Variants in DSCAM observed in about 807,000 individuals in gnomAD.
The protein encoded by DSCAM is DS cell adhesion molecule.
DSCAM carries 47 observed loss-of-function variants against 217.7 expected under a neutral mutation model. The observed-to-expected ratio is 0.22, with a 90% CI of 0.17 to 0.28. DSCAM has a LOEUF of 0.28. DSCAM is among the 10% of genes least tolerant of loss of function. The pLI, the probability that DSCAM is intolerant of heterozygous loss-of-function variation, is 1.00. For missense variants in DSCAM, 2,080 were observed against 2,618.3 expected (o/e 0.79, Z 4.49); for synonymous variants, 1,056 against 1,015.3 (o/e 1.04, Z -0.76).
chr21:40,709,447 C>T (rs760352018), intron 1 of DSCAM, among the ~76,000 whole-genome samples: 1 of 152,164 alleles, frequency 6.6e-6, no homozygotes, highest in Non-Finnish European at 1.5e-5. Context: ...CCCATCAACC[C>T]GTCATCTACA....
intron 28 of DSCAM, among the ~76,000 whole-genome samples, chr21:40,059,984 C>T: frequency 6.6e-6 from 1 of 152,220 alleles, no homozygotes; most frequent in Non-Finnish European, 1.5e-5. Context: ...TTTTTGTTTG[C>T]TTGGCCCATT....
At chr21:40,292,936 C>A (rs564248312) in intron 10 of DSCAM, among the ~76,000 whole-genome samples, 1 of 152,182 alleles carries the variant, frequency 6.6e-6, no homozygotes, top group East Asian at 1.9e-4. Flanking sequence ...CGGGGTTTCA[C>A]CGTGTTAGCC....
rs531076997 is a variant in DSCAM, at chr21:40,401,377, G to A, written c.509-32132C>T. 6.7e-5 allele frequency among the ~76,000 whole-genome samples: 9 copies of A among 135,006 alleles called. No individual in the cohort carries two copies. In the East Asian group the frequency reaches 2.0e-3, roughly 29 times the overall value. 88.6% of individuals were successfully genotyped at this position (135,006 alleles called of 152,430 possible). On this transcript the variant is annotated intron_variant, in intron 3 of 32. Transcript: ENST00000400454. The stretch of plus-strand genomic sequence containing the variant: ...CTAATAATTATATGGCTGCATAAAG[G>A]ATATTCTCAATAAAATTGGATTTTT...
intron 14 of DSCAM, among the ~76,000 whole-genome samples, chr21:40,184,811 T>C (rs2090875423): frequency 6.6e-6 from 1 of 152,100 alleles, no homozygotes; most frequent in Admixed American, 6.5e-5. Flanking sequence ...AGTAGGGAGA[T>C]AGTGAGGACA....
intron 3 of DSCAM, among the ~76,000 whole-genome samples, chr21:40,580,981 C>A (rs145195289): frequency 6.6e-6 from 1 of 151,868 alleles, no homozygotes; most frequent in South Asian, 2.1e-4. Flanking sequence ...GAAAGGACTT[C>A]GAAGAAAGAT....
chr21:40,711,467 C>T (rs1475166464), intron 1 of DSCAM, among the ~76,000 whole-genome samples: 1 of 152,180 alleles, frequency 6.6e-6, no homozygotes, highest in Non-Finnish European at 1.5e-5. Flanking sequence ...CTCCACCCTG[C>T]TGTTAGGAAG....
At chr21:40,046,386 C>T (rs1776504635) in intron 30 of DSCAM, among the ~76,000 whole-genome samples, 1 of 151,892 alleles carries the variant, frequency 6.6e-6, no homozygotes, top group African/African-American at 2.4e-5. Flanking sequence ...CACATTTCAT[C>T]CCTTACTTGC....
At chr21:40,079,720 T>G (rs1240686300) in intron 25 of DSCAM, among the ~76,000 whole-genome samples, 1 of 147,970 alleles carries the variant, frequency 6.8e-6, no homozygotes, top group Non-Finnish European at 1.5e-5. Context: ...CATTTTAGAT[T>G]AAAAAAAAAA....
rs113294177 is a variant in DSCAM, at chr21:40,080,097, C to G, written c.4420+55G>C. ...ATGGATCTTTTATGATTCCAATCTC[C>G]TCTTCTGGCCGGGAAAAGAAAGGAT... On this transcript the variant is annotated intron_variant, in intron 25 of 32. Coordinates refer to ENST00000400454, the MANE Select transcript of DSCAM (RefSeq NM_001389.5). The G allele has an allele frequency of 6.3e-4, 821 of 1,307,222 alleles. 51 individuals are homozygous for G. The African/African-American group carries it at 0.011, about 18-fold the overall frequency. 81.0% of individuals were successfully genotyped at this position (1,307,222 alleles called of 1,614,324 possible).
intron 5 of DSCAM, among the ~76,000 whole-genome samples, chr21:40,349,317 GA>G (rs1001165366): frequency 9.7e-5 from 14 of 144,056 alleles, no homozygotes; most frequent in East Asian, 6.1e-4. Flanking sequence ...CAATTGTGAG[GA>G]AAAAAAAAAC....
At chr21:40,540,526 T>C (rs928034014) in intron 3 of DSCAM, among the ~76,000 whole-genome samples, 3 of 152,206 alleles carry the variant, frequency 2.0e-5, no homozygotes, top group African/African-American at 7.2e-5. Flanking sequence ...TCACTAAATA[T>C]GGCCTTAATT....
At chr21:40,030,211 CTCTG>C (rs1254028005) in intron 32 of DSCAM, among the ~76,000 whole-genome samples, 9 of 151,862 alleles carry the variant, frequency 5.9e-5, no homozygotes, top group South Asian at 4.1e-4. Flanking sequence ...CTCCCTGCTC[CTCTG>C]TCTTTTTTTG....
At chr21:40,686,428 AACACCAC>A (rs1024717207) in intron 3 of DSCAM, among the ~76,000 whole-genome samples, 27 of 151,772 alleles carry the variant, frequency 1.8e-4, no homozygotes, top group Admixed American at 1.8e-3. Flanking sequence ...CACCACACCA[AACACCAC>A]ACACATATGT....
intron 19 of DSCAM, among the ~76,000 whole-genome samples, chr21:40,126,064 G>A (rs1324693917): frequency 2.0e-5 from 3 of 152,130 alleles, no homozygotes; most frequent in Admixed American, 1.3e-4. Flanking sequence ...ACGTGTCATG[G>A]GTAGTACTGT....
chr21:40,222,667 A>G (rs1395963146), intron 11 of DSCAM, among the ~76,000 whole-genome samples: 1 of 133,472 alleles, frequency 7.5e-6, no homozygotes, highest in African/African-American at 2.7e-5. Flanking sequence ...CTTCTCACCA[A>G]TTTCTAAAAA....
intron 3 of DSCAM, among the ~76,000 whole-genome samples, chr21:40,626,988 T>C (rs539620708): frequency 2.0e-5 from 3 of 152,310 alleles, no homozygotes; most frequent in South Asian, 4.1e-4. Context: ...TAAAATTAAC[T>C]GGGAATCTGG....
At chr21:40,468,635 G>T (rs541215760) in intron 3 of DSCAM, among the ~76,000 whole-genome samples, 1 of 152,126 alleles carries the variant, frequency 6.6e-6, no homozygotes, top group South Asian at 2.1e-4. Context: ...TGCCCCGCCT[G>T]CACATTCAGC....
chr21:40,681,202 A>G (rs7278028), intron 3 of DSCAM, among the ~76,000 whole-genome samples: 132,545 of 152,226 alleles, frequency 0.87, 58,024 homozygotes, highest in East Asian at 1. Flanking sequence ...TGCCCAATAA[A>G]CCGTGGCACC....
chr21:40,780,490 C>T (rs1273856419), intron 1 of DSCAM, among the ~76,000 whole-genome samples: 1 of 143,020 alleles, frequency 7.0e-6, no homozygotes, highest in Non-Finnish European at 1.5e-5. Context: ...TTATAAGAAA[C>T]TTGAAAAGTC....
Sources: gnomAD v4.1 joint callset for allele counts (sites outside exome capture counted in the v4.1 genomes callset) on GRCh38, gnomAD v4.1.1 for gene constraint, MANE v1.5 for transcripts, NCBI Gene and HGNC (gene_info 2026-07-23, HGNC 2026-07-21) for gene names.